Variants in SLC15A5 observed in about 807,000 individuals in gnomAD.
SLC15A5 encodes Peptide/histidine transporter ENSP00000340402.
SLC15A5 carries 58 observed loss-of-function variants against 56.1 expected under a neutral mutation model. The ratio of observed to expected loss-of-function variants is 1.03; its 90% CI spans 0.84 to 1.29. The LOEUF (loss-of-function observed/expected upper bound fraction) is 1.29, where lower values mean the gene tolerates loss of function less well. Ranked by LOEUF, SLC15A5 falls within the 50% of genes most tolerant of loss-of-function variation. SLC15A5 has a pLI of 0.00. For missense variants in SLC15A5, 681 were observed against 672.1 expected (o/e 1.01, Z -0.15); for synonymous variants, 264 against 250.5 (o/e 1.05, Z -0.51).
intron 5 of SLC15A5, among the ~76,000 whole-genome samples, chr12:16,225,599 A>C (rs531780294): frequency 7.9e-5 from 12 of 152,320 alleles, no homozygotes; most frequent in African/African-American, 2.4e-4. Flanking sequence ...AATTCAAACA[A>C]ATTTACAAGA....
At chr12:16,210,392 A>C (rs1371147014) in intron 7 of SLC15A5, among the ~76,000 whole-genome samples, 1 of 152,186 alleles carries the variant, frequency 6.6e-6, no homozygotes, top group Non-Finnish European at 1.5e-5. Flanking sequence ...GAACAGTACA[A>C]CTGAACTCTG....
intron 3 of SLC15A5, among the ~76,000 whole-genome samples, chr12:16,256,316 A>G (rs1253213644): frequency 1.3e-5 from 2 of 152,200 alleles, no homozygotes; most frequent in South Asian, 4.1e-4. Context: ...AATCCTCAAT[A>G]AAATATTGGA....
chr12:16,215,142 G>T (rs6488825), intron 7 of SLC15A5, among the ~76,000 whole-genome samples: 82,274 of 147,206 alleles, frequency 0.56, 23,122 homozygotes, highest in South Asian at 0.74. Flanking sequence ...GGCGGAGGTT[G>T]CAGTGGGCCG....
At chr12:16,248,422 T>C (rs1347914847) in intron 3 of SLC15A5, among the ~76,000 whole-genome samples, 1 of 152,004 alleles carries the variant, frequency 6.6e-6, no homozygotes, top group African/African-American at 2.4e-5. Context: ...AAAGGTTGGT[T>C]AAGGAGACTG....
intron 7 of SLC15A5, among the ~76,000 whole-genome samples, chr12:16,215,650 A>T (rs1864124743): frequency 6.6e-6 from 1 of 152,198 alleles, no homozygotes; most frequent in African/African-American, 2.4e-5. Context: ...TGAGAACTGG[A>T]TCATATCTCA....
chr12:16,246,606 A>G (rs1864463875), intron 3 of SLC15A5, among the ~76,000 whole-genome samples: 1 of 152,148 alleles, frequency 6.6e-6, no homozygotes, highest in African/African-American at 2.4e-5. Flanking sequence ...ATGCTTTCAG[A>G]TAGGTTTGAT....
chr12:16,208,476 G>A (rs1864043169), intron 7 of SLC15A5, among the ~76,000 whole-genome samples: 1 of 152,130 alleles, frequency 6.6e-6, no homozygotes, highest in Non-Finnish European at 1.5e-5. Context: ...TTTGAGACCA[G>A]CTTGGGCAAT....
At chr12:16,190,295 C>G (rs1863828361) in intron 8 of SLC15A5, among the ~76,000 whole-genome samples, 1 of 152,122 alleles carries the variant, frequency 6.6e-6, no homozygotes, top group South Asian at 2.1e-4. Context: ...AGTACCAGCC[C>G]CATGCAAGGG....
intron 5 of SLC15A5, among the ~76,000 whole-genome samples, chr12:16,239,392 A>C (rs947432747): frequency 6.6e-6 from 1 of 152,218 alleles, no homozygotes; most frequent in African/African-American, 2.4e-5. Flanking sequence ...AGGGGTAAGG[A>C]CTGCCTGACT....
intron 5 of SLC15A5, 117 bp from the exon 6 acceptor site, chr12:16,224,719 T>A: frequency 9.2e-7 from 1 of 1,082,920 alleles, no homozygotes; most frequent in Non-Finnish European, 1.3e-6. Flanking sequence ...TTTGTTTGTT[T>A]TTATTTTTTT....
intron 1 of SLC15A5, among the ~76,000 whole-genome samples, chr12:16,277,120 A>G (rs11056853): frequency 0.99 from 150,568 of 151,970 alleles, 74,594 homozygotes; most frequent in Middle Eastern, 1. Flanking sequence ...TAGGCACAAA[A>G]CATTCTCTAA....
At chr12:16,262,403 A>T (rs980312560) in intron 2 of SLC15A5, among the ~76,000 whole-genome samples, 1 of 152,242 alleles carries the variant, frequency 6.6e-6, no homozygotes, top group Admixed American at 6.5e-5. Flanking sequence ...GTCCAAAGAC[A>T]TGAGTTAGAG....
chr12:16,208,707 C>T (rs1036007436), intron 7 of SLC15A5, among the ~76,000 whole-genome samples: 2 of 152,064 alleles, frequency 1.3e-5, no homozygotes, highest in African/African-American at 4.8e-5. Context: ...AAAAAAGTAT[C>T]TTGAACCCAC....
chr12:16,209,510 C>A (rs553094558), intron 7 of SLC15A5, among the ~76,000 whole-genome samples: 1 of 152,056 alleles, frequency 6.6e-6, no homozygotes, highest in East Asian at 1.9e-4. Flanking sequence ...TTTTTTCTGG[C>A]CTCCAGATAT....
intron 2 of SLC15A5, among the ~76,000 whole-genome samples, chr12:16,261,078 G>T (rs1864638998): frequency 6.6e-6 from 1 of 151,748 alleles, no homozygotes; most frequent in African/African-American, 2.4e-5. Context: ...GCTTTATTGA[G>T]ATATAATTGA....
chr12:16,273,728 T>A (rs1477529603), intron 1 of SLC15A5, among the ~76,000 whole-genome samples: 1 of 85,664 alleles, frequency 1.2e-5, no homozygotes, highest in Admixed American at 1.8e-4. Context: ...CATCAAGTAG[T>A]CAAATAAATT....
chr12:16,245,076 G>T (rs777984134), intron 3 of SLC15A5, among the ~76,000 whole-genome samples: 2 of 152,090 alleles, frequency 1.3e-5, no homozygotes, highest in East Asian at 3.9e-4. Flanking sequence ...AAAATAATAC[G>T]CCAAAGTTAA....
At chr12:16,241,965 C>T (rs10846315) in intron 4 of SLC15A5, among the ~76,000 whole-genome samples, 67,585 of 151,876 alleles carry the variant, frequency 0.45, 15,203 homozygotes, top group South Asian at 0.61. Context: ...CTGAAATCAT[C>T]GCCCTGTAAA....
chr12:16,237,175 A>C lies in SLC15A5; in HGVS notation c.1162+2506T>G, dbSNP rs1292642526. Among the ~76,000 whole-genome samples, 1 of 152,200 alleles carries C rather than the reference A, an allele frequency of 6.6e-6. No individual in the cohort carries two copies. Among genetic ancestry groups the C allele is most frequent in the Non-Finnish European group, 1.5e-5 (1 of 68,024 alleles). On this transcript the variant is annotated intron_variant, in intron 5 of 8. Coordinates refer to ENST00000344941, the MANE Select transcript of SLC15A5 (RefSeq NM_001170798.1). This position sits in a 1 kb window ranked among gnomAD's most constrained non-coding sequence, Gnocchi z 4.1. ...TTAGACTAATTCAGTTATGTAAATTAGTATCAAAAAGTACCCCAGGTTGGT... is the reference window on the plus strand; with the variant it reads ...TTAGACTAATTCAGTTATGTAAATTCGTATCAAAAAGTACCCCAGGTTGGT...
Sources: gnomAD v4.1 joint callset for allele counts (sites outside exome capture counted in the v4.1 genomes callset) on GRCh38, gnomAD v4.1.1 for gene constraint, Gnocchi (gnomAD v3.1) non-coding constraint, MANE v1.5 for transcripts, NCBI Gene and HGNC (gene_info 2026-07-23, HGNC 2026-07-21) for gene names.